DECR1: variants seen among roughly 807,000 people sequenced by gnomAD.
DECR1 encodes the protein 2,4-dienoyl-CoA reductase 1.
DECR1 carries 44 observed loss-of-function variants against 38.8 expected under a neutral mutation model. That is an observed-to-expected ratio of 1.13 (90% confidence interval 0.89 to 1.46). The LOEUF (loss-of-function observed/expected upper bound fraction) is 1.46. DECR1 is among the 40% of genes most tolerant of loss of function. DECR1 has a pLI of 0.00. For synonymous variants in DECR1, 148 were observed against 135.2 expected, an observed-to-expected ratio of 1.09 and a Z score of -0.66; for missense variants, 428 against 405.5, an observed-to-expected ratio of 1.06 and a Z score of -0.48.
intron 5 of DECR1, among the ~76,000 whole-genome samples, chr8:90,024,311 T>A (rs1412441974): frequency 6.6e-6 from 1 of 152,242 alleles, no homozygotes; most frequent in Admixed American, 6.5e-5. Flanking sequence ...CCACAATGGT[T>A]GAACTAGTTT....
chr8:90,050,524 A>G (rs1452063198), intron 8 of DECR1, among the ~76,000 whole-genome samples: 1 of 152,210 alleles, frequency 6.6e-6, no homozygotes, highest in Non-Finnish European at 1.5e-5. Context: ...TCAGGAAACA[A>G]CAGGTGCTGG....
At chr8:90,001,911 CAA>C (rs1812623088) in intron 1 of DECR1, among the ~76,000 whole-genome samples, 1 of 146,762 alleles carries the variant, frequency 6.8e-6, no homozygotes, top group African/African-American at 2.5e-5. Context: ...TCTTGGGGCA[CAA>C]AGAGAGGACC....
intron 6 of DECR1, 76 bp downstream of exon 6, chr8:90,037,016 T>G (rs1366099643): frequency 2.0e-6 from 2 of 976,344 alleles, no homozygotes; most frequent in African/African-American, 3.2e-5. Flanking sequence ...TATTCCTGCT[T>G]TCTGGTGTCC....
At chr8:90,032,462 C>T (rs1050844328) in intron 5 of DECR1, among the ~76,000 whole-genome samples, 1 of 152,154 alleles carries the variant, frequency 6.6e-6, no homozygotes, top group African/African-American at 2.4e-5. Flanking sequence ...GACTGTGTTA[C>T]TTGGATAATC....
At chr8:90,005,508 A>G (rs1463398647) in intron 1 of DECR1, 8 of 449,450 alleles carry the variant, frequency 1.8e-5, no homozygotes, top group Non-Finnish European at 3.1e-5. Context: ...TGTGAGAGGA[A>G]GCTGGGCCTA....
At position 90,051,629 on chromosome 8, in the gene DECR1, CT is replaced by C. The variant is rs776751707; in HGVS notation, c.886-43del. ...GGGAAAATGGCTAGTGGTTCAGAAA[CT>C]TTTTAAAAGGAGTTAGTTTCAGAGT... On this transcript the variant is annotated intron_variant, in intron 8 of 9. Transcript: ENST00000220764. The C allele has an allele frequency of 5.3e-6, 8 of 1,517,468 alleles. No homozygotes were observed. In the East Asian group the frequency reaches 1.8e-4, roughly 34 times the overall value. The allele number at this position is 1,517,468 out of a possible 1,614,324, so 94.0% of individuals were successfully genotyped here.
chr8:90,023,065 G>A (rs942753015), intron 5 of DECR1, among the ~76,000 whole-genome samples: 1 of 152,166 alleles, frequency 6.6e-6, no homozygotes, highest in African/African-American at 2.4e-5. Context: ...TAAAGGATTT[G>A]TTCTGGTACT....
chr8:90,001,567 G>C lies in DECR1; in HGVS notation c.69+6G>C. On this transcript the variant is annotated splice_donor_region_variant and intron_variant, in intron 1 of 9. Transcript: ENST00000220764. Reference sequence around the variant, plus strand: ...GTGGCCTCGCTCCTCGGAGGGTAAGGCGGCCGGGGGCGCGGGGAGCGAGGA... The same window carrying C: ...GTGGCCTCGCTCCTCGGAGGGTAAGCCGGCCGGGGGCGCGGGGAGCGAGGA... 1 of 1,610,992 alleles carries C rather than the reference G, an allele frequency of 6.2e-7. No individual in the cohort carries two copies. The highest frequency in any genetic ancestry group is 8.5e-7 in the Non-Finnish European group (1 of 1,178,146).
At chr8:90,023,470 C>T (rs868403367) in intron 5 of DECR1, among the ~76,000 whole-genome samples, 2 of 151,920 alleles carry the variant, frequency 1.3e-5, no homozygotes, top group Non-Finnish European at 2.9e-5. Flanking sequence ...ATTTTCCTTC[C>T]CAACTGATAA....
chr8:90,017,987 A>C (rs1813051439), intron 2 of DECR1, among the ~76,000 whole-genome samples: 1 of 152,174 alleles, frequency 6.6e-6, no homozygotes, highest in South Asian at 2.1e-4. Flanking sequence ...CCCGGGTTCA[A>C]GCAGTTCTCC....
At chr8:90,012,179 G>A (rs1812901729) in intron 1 of DECR1, among the ~76,000 whole-genome samples, 1 of 149,632 alleles carries the variant, frequency 6.7e-6, no homozygotes, top group African/African-American at 2.5e-5. Flanking sequence ...TTAAGAGGGA[G>A]TCTTGTTCCG....
intron 5 of DECR1, among the ~76,000 whole-genome samples, chr8:90,022,817 T>G (rs1813199149): frequency 6.6e-6 from 1 of 152,168 alleles, no homozygotes; most frequent in Non-Finnish European, 1.5e-5. Context: ...CCTCAATTTC[T>G]GTCTGACTCT....
intron 1 of DECR1, among the ~76,000 whole-genome samples, 181 bp downstream of exon 1, chr8:90,001,742 G>C (rs992538552): frequency 6.6e-5 from 10 of 151,786 alleles, no homozygotes; most frequent in Non-Finnish European, 7.4e-5. Flanking sequence ...CAGAGAGAGA[G>C]AGGACAGGGC....
At chr8:90,018,681 T>C (rs1237800708) in intron 2 of DECR1, 3 of 421,110 alleles carry the variant, frequency 7.1e-6, no homozygotes, top group South Asian at 6.6e-5. Flanking sequence ...TGTGAGTAGA[T>C]AATGTTAAAG....
chr8:90,026,407 T>C (rs1813339138), intron 5 of DECR1, among the ~76,000 whole-genome samples: 1 of 152,190 alleles, frequency 6.6e-6, no homozygotes, highest in Admixed American at 6.5e-5. Context: ...CAGAGTGTGT[T>C]ATTGGTATAT....
At chr8:90,006,122 T>G (rs1193501905) in intron 1 of DECR1, 2 of 680,184 alleles carry the variant, frequency 2.9e-6, no homozygotes, top group Non-Finnish European at 2.7e-6. Context: ...ACATTGGGGA[T>G]CACATTTCAA....
intron 5 of DECR1, among the ~76,000 whole-genome samples, chr8:90,028,379 TAAAAAA>T (rs1186806704): frequency 2.6e-5 from 4 of 152,150 alleles, no homozygotes; most frequent in Non-Finnish European, 4.4e-5. Context: ...CTATTTTTCT[TAAAAAA>T]TTTTTTTTGC....
At chr8:90,024,863 T>C (rs1813287884) in intron 5 of DECR1, among the ~76,000 whole-genome samples, 1 of 152,242 alleles carries the variant, frequency 6.6e-6, no homozygotes, top group Non-Finnish European at 1.5e-5. Flanking sequence ...GTCTGACATT[T>C]AAGTCTTTAA....
intron 5 of DECR1, among the ~76,000 whole-genome samples, chr8:90,027,904 A>AT (rs1235833826): frequency 6.6e-6 from 1 of 152,088 alleles, no homozygotes; most frequent in African/African-American, 2.4e-5. Context: ...ATTGAACACC[A>AT]TTGCATTCCT....
Sources: gnomAD v4.1 joint callset for allele counts (sites outside exome capture counted in the v4.1 genomes callset) on GRCh38, gnomAD v4.1.1 for gene constraint, MANE v1.5 for transcripts, NCBI Gene and HGNC (gene_info 2026-07-23, HGNC 2026-07-21) for gene names.